NFIA: variants seen among roughly 807,000 people sequenced by gnomAD.
The protein encoded by NFIA is nuclear factor 1 A-type.
Under a neutral mutation model 62.8 loss-of-function variants are expected in NFIA, and 8 were observed. The observed-to-expected ratio is 0.13, with a 90% CI of 0.07 to 0.23. The LOEUF is 0.23. Among genes scored for constraint, NFIA ranks in the 10% least tolerant of loss-of-function variants. The probability of loss-of-function intolerance (pLI) is 1.00; values close to 1 mark genes in which losing one functional copy is unlikely to be tolerated. For synonymous variants in NFIA, 235 were observed against 238.1 expected (o/e 0.99, Z 0.12); for missense variants, 410 against 642.1 (o/e 0.64, Z 3.91).
At chr1:61,124,328 A>G (rs1017101687) in intron 2 of NFIA, among the ~76,000 whole-genome samples, 9 of 152,194 alleles carry the variant, frequency 5.9e-5, no homozygotes, top group Non-Finnish European at 1.3e-4. Context: ...ACTGGGTCCT[A>G]TGCTTATGAA....
At chr1:61,406,470 G>C (rs1365679008) in intron 8 of NFIA, 92 bp from the exon 9 acceptor site, 2 of 1,058,874 alleles carry the variant, frequency 1.9e-6, no homozygotes, top group African/African-American at 3.1e-5. Flanking sequence ...AAAGGTGCCT[G>C]ATGAATATTT....
At chr1:61,197,799 G>T (rs1570361893) in intron 2 of NFIA, among the ~76,000 whole-genome samples, 1 of 150,884 alleles carries the variant, frequency 6.6e-6, no homozygotes, top group East Asian at 2.0e-4. Context: ...AGCCAATATA[G>T]TGAAACCCCA....
At chr1:61,110,047 A>G (rs1243242427) in intron 2 of NFIA, among the ~76,000 whole-genome samples, 5 of 152,006 alleles carry the variant, frequency 3.3e-5, no homozygotes, top group African/African-American at 7.2e-5. Flanking sequence ...GAGAGAGTGA[A>G]AGAGAGAGAG....
intron 2 of NFIA, among the ~76,000 whole-genome samples, chr1:61,134,053 G>C (rs1647130943): frequency 6.6e-6 from 1 of 152,252 alleles, no homozygotes; most frequent in Non-Finnish European, 1.5e-5. Flanking sequence ...TTGAATCCAG[G>C]AGGCAGAGGT....
chr1:61,082,839 G>C (rs1298170593), intron 1 of NFIA, 21 bp downstream of exon 1: 2 of 1,548,286 alleles, frequency 1.3e-6, no homozygotes, highest in African/African-American at 2.8e-5. Context: ...GCGTGGATGC[G>C]GAGGGCTTGG....
intron 2 of NFIA, among the ~76,000 whole-genome samples, chr1:61,271,196 C>T (rs1286259106): frequency 6.6e-6 from 1 of 152,134 alleles, no homozygotes; most frequent in Non-Finnish European, 1.5e-5. Flanking sequence ...AATAGTTATG[C>T]CATTTCATTT....
At chr1:61,168,420 A>G (rs746542069) in intron 2 of NFIA, among the ~76,000 whole-genome samples, 6 of 152,230 alleles carry the variant, frequency 3.9e-5, no homozygotes, top group Non-Finnish European at 8.8e-5. Context: ...GAAATAAAAA[A>G]TACCCTAGTA....
chr1:61,245,931 T>C (rs1655615154), intron 2 of NFIA, among the ~76,000 whole-genome samples: 1 of 152,296 alleles, frequency 6.6e-6, no homozygotes, highest in Admixed American at 6.5e-5. Context: ...GCTCAAACCA[T>C]GTGAAAAGTT....
chr1:61,415,085 T>C (rs1380764595), intron 9 of NFIA, among the ~76,000 whole-genome samples: 2 of 152,150 alleles, frequency 1.3e-5, no homozygotes, highest in Non-Finnish European at 2.9e-5. Context: ...AATTGAGAGA[T>C]TATGAAAGAG....
At chr1:61,177,280 T>C (rs548557158) in intron 2 of NFIA, among the ~76,000 whole-genome samples, 1 of 152,296 alleles carries the variant, frequency 6.6e-6, no homozygotes, top group Non-Finnish European at 1.5e-5. Flanking sequence ...GGTCTCTCTA[T>C]TTATGAAAAA....
chr1:61,083,900 CT>C (rs1296822222), intron 1 of NFIA, among the ~76,000 whole-genome samples: 3 of 152,152 alleles, frequency 2.0e-5, no homozygotes, highest in African/African-American at 7.2e-5. Context: ...CCGTGCCCCC[CT>C]GTCCATTCCT....
upstream of NFIA, chr1:61,082,031 C>T: frequency 1.3e-6 from 2 of 1,548,822 alleles, no homozygotes; most frequent in Non-Finnish European, 8.7e-7. Context: ...GCAAAGTTGC[C>T]CAAGTCCTCC....
At chr1:61,294,342 T>A (rs1419035450) in intron 3 of NFIA, among the ~76,000 whole-genome samples, 1 of 152,270 alleles carries the variant, frequency 6.6e-6, no homozygotes, top group Non-Finnish European at 1.5e-5. Context: ...TAAAGTTTCA[T>A]GCATCCAATA....
At chr1:61,154,791 T>C (rs1438758395) in intron 2 of NFIA, among the ~76,000 whole-genome samples, 2 of 152,208 alleles carry the variant, frequency 1.3e-5, no homozygotes, top group African/African-American at 2.4e-5. Flanking sequence ...AGATCTATAG[T>C]GTAGAAGTAA....
At chr1:61,101,206 A>G (rs1309663551) in intron 2 of NFIA, among the ~76,000 whole-genome samples, 3 of 151,874 alleles carry the variant, frequency 2.0e-5, no homozygotes, top group Non-Finnish European at 4.4e-5. Context: ...GATCAGCCTG[A>G]CAAATATGGA....
At chr1:61,163,769 G>A (rs1172974728) in intron 2 of NFIA, among the ~76,000 whole-genome samples, 2 of 152,144 alleles carry the variant, frequency 1.3e-5, no homozygotes, top group African/African-American at 4.8e-5. Context: ...ATACTGCATG[G>A]TATCTATTTT....
At chr1:61,210,166 T>A (rs1183037834) in intron 2 of NFIA, among the ~76,000 whole-genome samples, 1 of 152,126 alleles carries the variant, frequency 6.6e-6, no homozygotes, top group Non-Finnish European at 1.5e-5. Flanking sequence ...TACCTTTGGG[T>A]TCCTTAGCTC....
intron 7 of NFIA, among the ~76,000 whole-genome samples, chr1:61,395,365 T>G (rs774778823): frequency 2.4e-4 from 36 of 151,894 alleles, no homozygotes; most frequent in Non-Finnish European, 3.8e-4. Context: ...AAGAAGCATC[T>G]GCATGGATCT....
chr1:61,148,673 T>A (rs1454494049), intron 2 of NFIA, among the ~76,000 whole-genome samples: 31 of 152,228 alleles, frequency 2.0e-4, no homozygotes, highest in Admixed American at 2.0e-3. Flanking sequence ...ACTTTCCATT[T>A]AGATATGGGC....
Sources: allele counts gnomAD v4.1 joint callset (sites outside exome capture counted in the v4.1 genomes callset), GRCh38; gene constraint gnomAD v4.1.1; transcripts MANE v1.5; gene names NCBI Gene and HGNC (gene_info 2026-07-23, HGNC 2026-07-21).